Variants in TSHR observed in about 807,000 individuals in gnomAD.
The protein encoded by TSHR is thyrotropin receptor.
Under a neutral mutation model 64.1 loss-of-function variants are expected in TSHR, and 51 were observed. The ratio of observed to expected loss-of-function variants is 0.80; its 90% confidence interval spans 0.64 to 1.01. The LOEUF is 1.01. TSHR is among the 50% of genes least tolerant of loss of function. The pLI is 0.00. For missense variants in TSHR, 877 were observed against 942.8 expected, an observed-to-expected ratio of 0.93 and a Z score of 0.91; for synonymous variants, 361 against 361.9, an observed-to-expected ratio of 1.00 and a Z score of 0.03.
intron 1 of TSHR, chr14:81,012,662 G>C (rs546435453): frequency 6.6e-6 from 1 of 152,210 alleles, no homozygotes; most frequent in African/African-American, 2.4e-5. Context: ...ATCTCATTGT[G>C]GTTTTGATTT....
At chr14:81,142,279 C>T (rs967763587) in intron 9 of TSHR, among the ~76,000 whole-genome samples, 2 of 152,182 alleles carry the variant, frequency 1.3e-5, no homozygotes, top group African/African-American at 4.8e-5. Flanking sequence ...TGGGGTTTCA[C>T]CATGTTGGCC....
At chr14:81,116,098 G>A (rs1441527044) in intron 8 of TSHR, among the ~76,000 whole-genome samples, 5 of 152,028 alleles carry the variant, frequency 3.3e-5, no homozygotes, top group South Asian at 2.1e-4. Flanking sequence ...AAAGACCATC[G>A]AGACTAGGAA....
chr14:81,027,317 CA>C (rs1401836914), intron 1 of TSHR, among the ~76,000 whole-genome samples: 4 of 151,668 alleles, frequency 2.6e-5, no homozygotes, highest in African/African-American at 7.3e-5. Flanking sequence ...AAAGTTATAT[CA>C]AAAAACTCCT....
chr14:81,019,557 C>A (rs541503685), intron 1 of TSHR, among the ~76,000 whole-genome samples: 1 of 150,882 alleles, frequency 6.6e-6, no homozygotes, highest in African/African-American at 2.4e-5. Context: ...TTTGCTGCAC[C>A]CATCAACCCG....
rs1885815007 is a variant in TSHR at position 81,056,562 on chromosome 14, A to G, written c.171-5586A>G. 2.0e-5 allele frequency among the ~76,000 whole-genome samples: 3 copies of G among 152,216 alleles called. 1 individual carries two copies. The South Asian group carries it at 6.2e-4, about 31-fold the overall frequency. ...AGCTTCAATACAAAAAATTATGCTA[A>G]ATAATGAAATGAAACCAAATTTAAT... On this transcript the variant is annotated intron_variant, in intron 1 of 9. Coordinates refer to ENST00000298171, the MANE Select transcript of TSHR (RefSeq NM_000369.5).
intron 1 of TSHR, among the ~76,000 whole-genome samples, chr14:81,011,760 C>T (rs962369055): frequency 2.9e-4 from 44 of 152,046 alleles, no homozygotes; most frequent in African/African-American, 1.0e-3. Context: ...AAAAAGTCCC[C>T]TGGAAAATAT....
At chr14:81,064,265 T>C (rs567296500) in intron 2 of TSHR, among the ~76,000 whole-genome samples, 1 of 152,090 alleles carries the variant, frequency 6.6e-6, no homozygotes, top group South Asian at 2.1e-4. Context: ...GTGGGAATAA[T>C]GAAAAAGGAT....
chr14:81,107,114 C>T (rs1381524125), intron 7 of TSHR: 2 of 152,016 alleles, frequency 1.3e-5, no homozygotes, highest in East Asian at 1.9e-4. Flanking sequence ...CTTCTTCCTC[C>T]CACGGTTTCA....
At chr14:81,101,103 ACT>A (rs548483616) in intron 7 of TSHR, among the ~76,000 whole-genome samples, 204 of 152,294 alleles carry the variant, frequency 1.3e-3, no homozygotes, top group Admixed American at 4.2e-3. Context: ...GACACTTGTC[ACT>A]CTGGAAATTC....
intron 8 of TSHR, among the ~76,000 whole-genome samples, chr14:81,135,633 T>A (rs564945333): frequency 3.3e-5 from 5 of 152,126 alleles, no homozygotes; most frequent in Non-Finnish European, 7.4e-5. Flanking sequence ...GGCATGAACG[T>A]AGGGCAAGGG....
At chr14:81,086,108 T>C (rs975646155) in intron 3 of TSHR, among the ~76,000 whole-genome samples, 1 of 152,218 alleles carries the variant, frequency 6.6e-6, no homozygotes, top group African/African-American at 2.4e-5. Flanking sequence ...GATTTGGAAG[T>C]GAGGAGTTCT....
intron 7 of TSHR, among the ~76,000 whole-genome samples, chr14:81,101,490 T>G (rs373842066): frequency 6.6e-6 from 1 of 152,214 alleles, no homozygotes. Context: ...ACCAAACTTT[T>G]GCATAAGGAC....
chr14:81,104,656 T>C, intron 7 of TSHR: 1 of 985,424 alleles, frequency 1.0e-6, no homozygotes, highest in Non-Finnish European at 1.2e-6. Flanking sequence ...AACACACATA[T>C]AGTACACATA....
chr14:81,042,659 G>A (rs967000487), intron 1 of TSHR, among the ~76,000 whole-genome samples: 4 of 151,498 alleles, frequency 2.6e-5, no homozygotes, highest in African/African-American at 9.7e-5. Flanking sequence ...AGGAGGATGG[G>A]GAGAGATTAG....
At chr14:81,014,988 A>C (rs2300521) in intron 1 of TSHR, among the ~76,000 whole-genome samples, 27,147 of 152,074 alleles carry the variant, frequency 0.18, 3,016 homozygotes, top group Admixed American at 0.26. Context: ...TGGGCTGGTG[A>C]TTTGAGTGTC....
chr14:81,039,855 T>C (rs1193862288), intron 1 of TSHR, among the ~76,000 whole-genome samples: 1 of 151,936 alleles, frequency 6.6e-6, no homozygotes, highest in Admixed American at 6.6e-5. Context: ...CTTGAGTTCA[T>C]TGATTAGAAA....
At chr14:81,139,468 G>A (rs1428976184) in intron 8 of TSHR, among the ~76,000 whole-genome samples, 1 of 152,166 alleles carries the variant, frequency 6.6e-6, no homozygotes, top group Non-Finnish European at 1.5e-5. Context: ...TGTACTACTG[G>A]ATACTGGAAT....
At chr14:80,957,955 G>A (rs922142667) in intron 1 of TSHR, 4 of 152,212 alleles carry the variant, frequency 2.6e-5, no homozygotes, top group Non-Finnish European at 5.9e-5. Flanking sequence ...GAGGGAGGTA[G>A]TATGTCCTGA....
chr14:80,973,429 A>AAAAAAAAAAAAAAAAAAAAAAC (rs1566743346), intron 1 of TSHR, among the ~76,000 whole-genome samples: 5 of 146,232 alleles, frequency 3.4e-5, no homozygotes, highest in Admixed American at 1.4e-4. Flanking sequence ...AAAAAAAAAA[A>AAAAAAAAAAAAAAAAAAAAAAC]TCTGTGTACT....
Sources: gnomAD v4.1 joint callset for allele counts (sites outside exome capture counted in the v4.1 genomes callset) on GRCh38, gnomAD v4.1.1 for gene constraint, MANE v1.5 for transcripts, NCBI Gene and HGNC (gene_info 2026-07-23, HGNC 2026-07-21) for gene names.